The following FRMPD4 variants were observed in gnomAD, a reference collection of about 807,000 sequenced individuals.
The protein encoded by FRMPD4 is FERM and PDZ domain-containing protein 4.
Under a neutral mutation model 94.1 loss-of-function variants are expected in FRMPD4, and 22 were observed. That is an observed-to-expected ratio of 0.23 (90% confidence interval 0.17 to 0.33). FRMPD4 has a LOEUF of 0.33. Among genes scored for constraint, FRMPD4 ranks in the 10% least tolerant of loss-of-function variants. The probability of loss-of-function intolerance (pLI) is 1.00; values close to 1 mark genes in which losing one functional copy is unlikely to be tolerated. For missense variants in FRMPD4, 1,111 were observed against 1,339.9 expected (o/e 0.83, Z 2.67); for synonymous variants, 631 against 548.6 (o/e 1.15, Z -2.10).
At chrX:12,163,478 A>T (rs2056060524) in intron 1 of FRMPD4, among the ~76,000 whole-genome samples, 1 of 107,190 alleles carries the variant, frequency 9.3e-6, no homozygotes, top group Non-Finnish European at 1.9e-5. Flanking sequence ...AAAAAAAAAA[A>T]AAAAAAAAAA....
chrX:12,193,842 G>GAA (rs1245661629), intron 1 of FRMPD4, among the ~76,000 whole-genome samples: 1 of 74,217 alleles, frequency 1.3e-5, no homozygotes, highest in African/African-American at 5.5e-5. Flanking sequence ...AAGGAAGAAA[G>GAA]AAAAGAAAGA....
intron 1 of FRMPD4, among the ~76,000 whole-genome samples, chrX:12,196,808 A>G (rs778374062): frequency 9.1e-6 from 1 of 110,371 alleles, no homozygotes; most frequent in Admixed American, 9.7e-5. Context: ...TTTATGAAAC[A>G]GAGCCTTGAA....
chrX:12,410,294 T>C (rs992834376), intron 1 of FRMPD4, among the ~76,000 whole-genome samples: 8 of 111,942 alleles, frequency 7.1e-5, no homozygotes. Context: ...GGGTGTATTA[T>C]TGTTTTACAC....
In FRMPD4 at chrX:12,117,046, C is replaced by A. The variant is rs765694404; in HGVS notation, c.95+239028C>A. 1.4e-4 allele frequency among the ~76,000 whole-genome samples: 16 copies of A among 111,794 alleles called. No individual in the cohort carries two copies. In the South Asian group the frequency reaches 4.9e-3, roughly 34 times the overall value. Reference sequence around the variant, plus strand: ...TTTAAGTTTTCCCATTACTCAATATCTTTGCTTTTTACTTAATGCTACGTT... The same window carrying A: ...TTTAAGTTTTCCCATTACTCAATATATTTGCTTTTTACTTAATGCTACGTT... On this transcript the variant is annotated intron_variant, in intron 3 of 18. Coordinates refer to the FRMPD4 transcript ENST00000640291.
intron 1 of FRMPD4, among the ~76,000 whole-genome samples, chrX:12,310,831 C>G (rs905293171): frequency 8.9e-6 from 1 of 112,064 alleles, no homozygotes; most frequent in Non-Finnish European, 1.9e-5. Context: ...GGTGGATGTT[C>G]CTCTCTAGAT....
chrX:11,848,985 T>C (rs1192278828), intron 1 of FRMPD4, among the ~76,000 whole-genome samples: 1 of 111,252 alleles, frequency 9.0e-6, no homozygotes, highest in Non-Finnish European at 1.9e-5. Flanking sequence ...AGGGATAAGG[T>C]ATATCCAAAT....
intron 1 of FRMPD4, among the ~76,000 whole-genome samples, chrX:12,352,241 C>T (rs1182585678): frequency 8.9e-6 from 1 of 112,221 alleles, no homozygotes; most frequent in Non-Finnish European, 1.9e-5. Context: ...CATCTATAAA[C>T]CTTTTTAACA....
intron 3 of FRMPD4, among the ~76,000 whole-genome samples, chrX:11,959,984 A>T (rs2054275979): frequency 9.0e-6 from 1 of 111,445 alleles, no homozygotes; most frequent in African/African-American, 3.3e-5. Flanking sequence ...CAAGTGTTTC[A>T]AATGATGGGG....
At chrX:12,699,004 G>A (rs1199148283) in intron 9 of FRMPD4, among the ~76,000 whole-genome samples, 1 of 111,765 alleles carries the variant, frequency 8.9e-6, no homozygotes, top group East Asian at 2.8e-4. Context: ...ATCAAACCTG[G>A]GGCTTTTGTC....
chrX:12,059,832 C>T (rs1047360663), intron 3 of FRMPD4, among the ~76,000 whole-genome samples: 2 of 111,128 alleles, frequency 1.8e-5, no homozygotes, highest in African/African-American at 3.3e-5. Context: ...TGTATATGTA[C>T]CATATTTTTA....
At chrX:11,848,762 C>T (rs564024567) in intron 1 of FRMPD4, among the ~76,000 whole-genome samples, 1 of 111,059 alleles carries the variant, frequency 9.0e-6, no homozygotes, top group African/African-American at 3.3e-5. Flanking sequence ...AAACTTCAGG[C>T]TCCCAGAGCC....
rs146450470 is a variant in FRMPD4 at position 12,506,948 on chromosome X, G to C, written c.158+8152G>C. On this transcript the variant is annotated intron_variant, in intron 2 of 16. Transcript: ENST00000675598. ...CTTTCCTTCTGTCATCATTTTCACT[G>C]TAAGTGGTTGGCTAATACAGGGAAG... Among the ~76,000 whole-genome samples the C allele has an allele frequency of 3.6e-5, 4 of 112,166 alleles. No homozygotes were observed. In the East Asian group the frequency reaches 1.1e-3, roughly 31 times the overall value.
Position 12,721,763 on chromosome X carries a change from G to T in FRMPD4, c.5194G>T (p.Asp1732Tyr). 1.3e-6 allele frequency: 1 copy of T among 754,638 alleles called. No individual in the cohort carries two copies. Among genetic ancestry groups the T allele is most frequent in the Middle Eastern group, 3.9e-4 (1 of 2,562 alleles). 62.2% of individuals were successfully genotyped at this position (754,638 alleles called of 1,213,427 possible). ...AGCAGCCACTGGAAAGAACCCTGGG[G>T]ACCCTAATGTTGGACTCTCGGCGCG... The part of the protein sequence containing the change: ...AEAATGKNPG[D>Y]PNVGLSARHS... Residue 1732 changes from aspartate (D) to tyrosine (Y), a missense_variant, in exon 17 of 17, where the codon GAC (aspartate) becomes TAC (tyrosine). Physicochemically the swap from Asp to Tyr is radical, Grantham distance 160. Transcript: ENST00000675598.
At chrX:12,543,697 G>A (rs2058442885) in intron 2 of FRMPD4, among the ~76,000 whole-genome samples, 1 of 111,580 alleles carries the variant, frequency 9.0e-6, no homozygotes, top group Non-Finnish European at 1.9e-5. Context: ...CAAGGATCTA[G>A]AACTAGAAAT....
In FRMPD4 at chrX:12,716,064, T is replaced by C. The variant is rs2042072466; in HGVS notation, c.1610-5T>C. The C allele has an allele frequency of 4.9e-6, 5 of 1,016,482 alleles. No individual in the cohort carries two copies. In the East Asian group the frequency reaches 2.0e-4, roughly 41 times the overall value. The allele number at this position is 1,016,482 out of a possible 1,213,427, so 83.8% of individuals were successfully genotyped here. On this transcript the variant is annotated splice_polypyrimidine_tract_variant and splice_region_variant and intron_variant, in intron 14 of 16. Transcript: ENST00000675598. ...ATGTGTCTTTGCGTGATTCTTTCTC[T>C]TTAGGACCTGAAAACAAGGGGAAGC...
intron 4 of FRMPD4, among the ~76,000 whole-genome samples, chrX:12,651,517 G>T (rs1187840096): frequency 9.1e-6 from 1 of 109,769 alleles, no homozygotes; most frequent in Non-Finnish European, 1.9e-5. Context: ...TTTCAATTTT[G>T]CAGTCACATT....
At chrX:12,390,463 C>G (rs1458080612) in intron 1 of FRMPD4, among the ~76,000 whole-genome samples, 1 of 111,868 alleles carries the variant, frequency 8.9e-6, no homozygotes, top group African/African-American at 3.3e-5. Context: ...ATCTGCATTA[C>G]TTGTGCTCTC....
Position 12,350,899 on chromosome X carries a change from G to T in FRMPD4, c.42-147781G>T, listed in dbSNP as rs182378676. 6.6e-3 allele frequency among the ~76,000 whole-genome samples: 739 copies of T among 112,568 alleles called. 3 individuals are homozygous for T. The highest frequency in any genetic ancestry group is 0.01 in the Non-Finnish European group (557 of 53,235). On this transcript the variant is annotated intron_variant, in intron 1 of 16. Coordinates refer to ENST00000675598, the MANE Select transcript of FRMPD4 (RefSeq NM_001368397.1). Reference sequence around the variant, plus strand: ...GCCTATAATGTGTGATTATTGGCCGGGCACAGTGGCTCACGCCTGTAATCC... The same window carrying T: ...GCCTATAATGTGTGATTATTGGCCGTGCACAGTGGCTCACGCCTGTAATCC...
In FRMPD4 at chrX:12,193,821, AGGAAGGAGG is replaced by A. The variant is rs1222721613; in HGVS notation, c.41+54811_41+54819del. Reference sequence around the variant, plus strand: ...AAGGAAGGAAGGAAGGAAGGAAGGAAGGAAGGAGGGAAGGAAGAAAGAAAAGAAAGAAAA... The same window carrying A: ...AAGGAAGGAAGGAAGGAAGGAAGGAAGAAGGAAGAAAGAAAAGAAAGAAAA... On this transcript the variant is annotated intron_variant, in intron 1 of 16. Transcript: ENST00000675598. 3.1e-4 allele frequency among the ~76,000 whole-genome samples: 12 copies of A among 38,101 alleles called. 4 individuals carry two copies. The highest frequency in any genetic ancestry group is 1.1e-3 in the African/African-American group (7 of 6,122). The allele number at this position is 38,101 out of a possible 115,157, so 33.1% of individuals were successfully genotyped here. A position where few individuals can be genotyped will look rare whatever the true frequency, so the allele number is the denominator to read the frequency against.
Sources: allele counts gnomAD v4.1 joint callset (sites outside exome capture counted in the v4.1 genomes callset), GRCh38; gene constraint gnomAD v4.1.1; transcripts MANE v1.5; gene names NCBI Gene and HGNC (gene_info 2026-07-23, HGNC 2026-07-21).